Variants in CCDC88A observed in about 807,000 individuals in gnomAD.
The protein encoded by CCDC88A is girdin.
A neutral mutation model predicts 234.3 loss-of-function variants in CCDC88A; 54 were observed. The observed-to-expected ratio is 0.23, with a 90% CI of 0.19 to 0.29. The LOEUF is 0.29. CCDC88A is among the 10% of genes least tolerant of loss of function. CCDC88A has a pLI of 1.00. For synonymous variants in CCDC88A, 753 were observed against 737.8 expected, an observed-to-expected ratio of 1.02 and a Z score of -0.33; for missense variants, 1,832 against 2,123.4, an observed-to-expected ratio of 0.86 and a Z score of 2.70.
chr2:55,333,333 C>G (rs1302857690), intron 15 of CCDC88A, among the ~76,000 whole-genome samples: 1 of 152,090 alleles, frequency 6.6e-6, no homozygotes, highest in African/African-American at 2.4e-5. Context: ...AAACATATAC[C>G]TTCTGACTTG....
At chr2:55,302,477 G>A (rs1047777218) in intron 26 of CCDC88A, among the ~76,000 whole-genome samples, 1 of 152,020 alleles carries the variant, frequency 6.6e-6, no homozygotes, top group Non-Finnish European at 1.5e-5. Flanking sequence ...GAAAGTCCTT[G>A]GTCAGAGCAG....
chr2:55,378,199 A>T (rs1674019103), intron 3 of CCDC88A, among the ~76,000 whole-genome samples: 1 of 152,016 alleles, frequency 6.6e-6, no homozygotes. Flanking sequence ...CTTCCTGCCT[A>T]CTCTGTTTCC....
At chr2:55,383,474 T>A (rs1674942518) in intron 3 of CCDC88A, among the ~76,000 whole-genome samples, 1 of 151,484 alleles carries the variant, frequency 6.6e-6, no homozygotes, top group Admixed American at 6.6e-5. Flanking sequence ...CAAAAAAAAA[T>A]TAGCCAGGTG....
At chr2:55,320,328 A>G (rs1683468254) in intron 18 of CCDC88A, among the ~76,000 whole-genome samples, 2 of 152,322 alleles carry the variant, frequency 1.3e-5, no homozygotes, top group African/African-American at 4.8e-5. Context: ...AAATTCCTAT[A>G]GTCTATAATG....
In CCDC88A at chr2:55,317,978, G is replaced by T; in HGVS notation, c.3325-137C>A. ...TATTTACATTATACTGGGAAGACGT[G>T]GATTTTAGCTTCCCAAAGAATAAGG... On this transcript the variant is annotated intron_variant, in intron 19 of 32. Transcript: ENST00000436346. The surrounding 1 kb of genome is among the most constrained non-coding windows in gnomAD (Gnocchi z 4.2). The T allele has an allele frequency of 1.6e-6, 1 of 606,462 alleles. No individual in the cohort carries two copies. Among genetic ancestry groups the T allele is most frequent in the Non-Finnish European group, 2.7e-6 (1 of 367,016 alleles). The allele number at this position is 606,462 out of a possible 1,614,324, so 37.6% of individuals were successfully genotyped here.
intron 25 of CCDC88A, among the ~76,000 whole-genome samples, chr2:55,305,945 C>T (rs1042215449): frequency 2.0e-5 from 3 of 151,816 alleles, no homozygotes; most frequent in African/African-American, 7.3e-5. Context: ...GATGGAGTCT[C>T]GCTCCTGTCG....
chr2:55,304,533 A>ATAG (rs1681301010), intron 25 of CCDC88A, among the ~76,000 whole-genome samples: 1 of 152,034 alleles, frequency 6.6e-6, no homozygotes, highest in Non-Finnish European at 1.5e-5. Context: ...GAGTATTTTG[A>ATAG]TAGTAGTAAT....
At chr2:55,389,906 T>C (rs1184190987) in intron 2 of CCDC88A, among the ~76,000 whole-genome samples, 1 of 151,370 alleles carries the variant, frequency 6.6e-6, no homozygotes, top group African/African-American at 2.4e-5. Context: ...CCAGGTGTGG[T>C]GGCATGCAAC....
chr2:55,370,015 TTTTTGAAA>T (rs1484500712), intron 5 of CCDC88A, among the ~76,000 whole-genome samples: 1 of 152,212 alleles, frequency 6.6e-6, no homozygotes, highest in African/African-American at 2.4e-5. Context: ...GTCACTAACA[TTTTTGAAA>T]TGCAGAATGA....
intron 22 of CCDC88A, chr2:55,315,062 G>A (rs1466171961): frequency 6.6e-6 from 1 of 152,178 alleles, no homozygotes. Context: ...ATCTTATGAA[G>A]ACCCACTGAG....
intron 9 of CCDC88A, among the ~76,000 whole-genome samples, chr2:55,347,989 G>C (rs1447778431): frequency 2.6e-5 from 4 of 151,590 alleles, no homozygotes; most frequent in African/African-American, 7.3e-5. Context: ...CTTTGAGACA[G>C]GGTCTCACTC....
chr2:55,406,161 G>GA (rs11287244), intron 2 of CCDC88A: 67,067 of 130,776 alleles, frequency 0.51, 18,189 homozygotes, highest in Admixed American at 0.63. Flanking sequence ...ACTCTGTCCT[G>GA]AAAAAAAAAA....
chr2:55,306,194 T>G (rs373597305), intron 25 of CCDC88A: 2 of 152,086 alleles, frequency 1.3e-5, no homozygotes, highest in African/African-American at 4.8e-5. Context: ...GAATTACAAG[T>G]GTGAGCCACC....
chr2:55,393,288 G>GTTT (rs1211786836), intron 2 of CCDC88A, among the ~76,000 whole-genome samples: 2 of 50,060 alleles, frequency 4.0e-5, no homozygotes, highest in East Asian at 5.1e-4. Flanking sequence ...TGGTTTTTTG[G>GTTT]GTTTTTTTTT....
chr2:55,347,623 T>A (rs1669325345), intron 9 of CCDC88A, among the ~76,000 whole-genome samples: 1 of 145,124 alleles, frequency 6.9e-6, no homozygotes, highest in African/African-American at 2.6e-5. Context: ...TTTTTTTTTT[T>A]TTTGAGACAG....
chr2:55,359,581 C>G (rs997629600), intron 7 of CCDC88A, among the ~76,000 whole-genome samples: 24 of 150,522 alleles, frequency 1.6e-4, no homozygotes, highest in African/African-American at 5.8e-4. Context: ...CCCCCCCATT[C>G]CTGTAGCATA....
intron 25 of CCDC88A, chr2:55,308,108 T>A (rs1437458374): frequency 6.6e-6 from 1 of 152,338 alleles, no homozygotes; most frequent in East Asian, 1.9e-4. Context: ...GCTAATTTTG[T>A]ATTTTTAGTA....
Position 55,295,962 on chromosome 2 carries a change from C to G in CCDC88A, c.5186G>C (p.Cys1729Ser), listed in dbSNP as rs1558618530. 1 of 1,613,952 alleles carries G rather than the reference C, an allele frequency of 6.2e-7. No homozygotes were observed. The highest frequency in any genetic ancestry group is 1.1e-5 in the South Asian group (1 of 91,056). ...TCCACTTACTGACCTGGCCAGACCA[C>G]AGCTAACTGGTTTGTCTTTTCCCAA... Reference protein sequence around the residue: ...DFLGKDKPVSCGLARSVSGKT... With the variant: ...DFLGKDKPVSSGLARSVSGKT... The change falls in exon 31 of 33, where the codon TGT (cysteine) becomes TCT (serine). Residue 1729 changes from cysteine (C) to serine (S), a missense_variant. Coordinates refer to ENST00000436346, the MANE Select transcript of CCDC88A (RefSeq NM_001365480.1).
intron 31 of CCDC88A, chr2:55,293,405 TA>T (rs1396296449): frequency 3.3e-5 from 5 of 152,052 alleles, no homozygotes; most frequent in African/African-American, 1.2e-4. Flanking sequence ...TAACTGACAA[TA>T]AAATAGAAGG....
Sources: gnomAD v4.1 joint callset for allele counts (sites outside exome capture counted in the v4.1 genomes callset) on GRCh38, gnomAD v4.1.1 for gene constraint, Gnocchi (gnomAD v3.1) non-coding constraint, MANE v1.5 for transcripts, NCBI Gene and HGNC (gene_info 2026-07-23, HGNC 2026-07-21) for gene names.